Variants in TAF4 observed in about 807,000 individuals in gnomAD.
TAF4 encodes the protein transcription initiation factor TFIID subunit 4.
In TAF4, 9 loss-of-function variants were observed where a neutral mutation model predicts 90.3. The observed-to-expected ratio is 0.10, with a 90% CI of 0.06 to 0.17. The LOEUF is 0.17. TAF4 is among the 10% of genes least tolerant of loss of function. The pLI is 1.00. For synonymous variants in TAF4, 818 were observed against 638.9 expected (o/e 1.28, Z -4.23); for missense variants, 1,351 against 1,370.7 (o/e 0.99, Z 0.23).
At chr20:62,059,843 C>T (rs913119496) in intron 1 of TAF4, among the ~76,000 whole-genome samples, 8 of 152,232 alleles carry the variant, frequency 5.3e-5, no homozygotes, top group African/African-American at 1.9e-4. Flanking sequence ...TACACCTCTG[C>T]TTCAAGATCC....
intron 1 of TAF4, among the ~76,000 whole-genome samples, chr20:62,042,512 T>C (rs2055969367): frequency 6.6e-6 from 1 of 152,220 alleles, no homozygotes; most frequent in Admixed American, 6.5e-5. Context: ...GAATGGCAAC[T>C]GCTAAAAGAG....
intron 1 of TAF4, among the ~76,000 whole-genome samples, chr20:62,059,665 C>T (rs139613318): frequency 3.3e-5 from 5 of 152,358 alleles, no homozygotes; most frequent in African/African-American, 1.2e-4. Context: ...ACGCCCCCAT[C>T]ACGCTGCCTG....
chr20:62,062,386 G>A (rs73613504), intron 1 of TAF4, among the ~76,000 whole-genome samples: 1 of 151,964 alleles, frequency 6.6e-6, no homozygotes, highest in East Asian at 1.9e-4. Context: ...TGGGATACTG[G>A]TAGTTTTATT....
chr20:61,999,881 G>A (rs1206773084), intron 11 of TAF4, among the ~76,000 whole-genome samples: 4 of 152,198 alleles, frequency 2.6e-5, no homozygotes, highest in Admixed American at 1.3e-4. Flanking sequence ...CCCACGAGGC[G>A]GAGGCTGCAG....
At chr20:62,014,441 C>A in intron 2 of TAF4, 106 bp downstream of exon 2, 1 of 1,388,626 alleles carries the variant, frequency 7.2e-7, no homozygotes. Context: ...ACTTCCCAGT[C>A]CTCACTCCCA....
chr20:62,007,502 CT>C (rs1351738239), intron 6 of TAF4, 44 bp downstream of exon 6: 1 of 1,582,906 alleles, frequency 6.3e-7, no homozygotes, highest in Non-Finnish European at 8.7e-7. Flanking sequence ...CGCCCCACCC[CT>C]CCCTGGCCCT....
At chr20:61,993,784 G>A (rs1399714325) in intron 14 of TAF4, among the ~76,000 whole-genome samples, 11 of 152,052 alleles carry the variant, frequency 7.2e-5, no homozygotes, top group African/African-American at 2.2e-4. Flanking sequence ...ATGGAGTCTC[G>A]CTCTGTCACC....
chr20:62,021,363 G>A (rs1555577), intron 1 of TAF4, among the ~76,000 whole-genome samples: 16,396 of 152,302 alleles, frequency 0.11, 1,272 homozygotes, highest in East Asian at 0.44. Flanking sequence ...AACAGGCATG[G>A]CCAGGCACAG....
rs2055716881 is a variant in TAF4, at chr20:62,003,021, A to G, written c.2486+139T>C. ...CTTGTGTGAACGTGAGGTCAAAGTG[A>G]GCGTGAAGCAGGAGCCTTGGAGCCC... is the stretch of plus-strand genomic sequence containing the variant. On this transcript the variant is annotated intron_variant, in intron 9 of 14. Coordinates refer to ENST00000252996, the MANE Select transcript of TAF4 (RefSeq NM_003185.4). 2.2e-5 allele frequency: 14 copies of G among 624,550 alleles called. No individual in the cohort carries two copies. In the East Asian group the frequency reaches 3.9e-4, roughly 17 times the overall value. 38.7% of individuals were successfully genotyped at this position (624,550 alleles called of 1,614,324 possible).
chr20:62,009,819 C>T (rs945501263), intron 4 of TAF4, among the ~76,000 whole-genome samples: 1 of 152,240 alleles, frequency 6.6e-6, no homozygotes. Flanking sequence ...GGTGTTTGGG[C>T]TTTTGCTGTT....
intron 1 of TAF4, among the ~76,000 whole-genome samples, chr20:62,023,770 A>C (rs2055858312): frequency 8.7e-6 from 1 of 114,842 alleles, no homozygotes; most frequent in Admixed American, 1.1e-4. Context: ...AAAAAAAAAA[A>C]GAAAGAAAGA....
Position 62,014,617 on chromosome 20 carries a change from G to A in TAF4, c.1451C>T (p.Pro484Leu). The change falls in exon 2 of 15, where the codon CCT (proline) becomes CTT (leucine). Residue 484 changes from proline to leucine, a missense_variant. This residue lies in a region of TAF4 where 143 missense variants were observed against 176.3 expected (regional missense o/e 0.81). Transcript: ENST00000252996. ...AQMQAQAHAQ[P>L]QTTMAPRPAT... Reference sequence around the variant, plus strand: ...AGGGCGAGGCGCCATGGTGGTCTGAGGCTGGGCATGGGCCTGCGCCTGCAT... The same window carrying A: ...AGGGCGAGGCGCCATGGTGGTCTGAAGCTGGGCATGGGCCTGCGCCTGCAT... 1 of 1,614,102 alleles carries A rather than the reference G, an allele frequency of 6.2e-7. No individual in the cohort carries two copies. The highest frequency in any genetic ancestry group is 8.5e-7 in the Non-Finnish European group (1 of 1,180,008).
At chr20:62,048,532 C>T (rs1184742741) in intron 1 of TAF4, among the ~76,000 whole-genome samples, 1 of 152,228 alleles carries the variant, frequency 6.6e-6, no homozygotes, top group East Asian at 1.9e-4. Flanking sequence ...AACACAAACC[C>T]ACTGCACTTC....
intron 1 of TAF4, among the ~76,000 whole-genome samples, chr20:62,036,681 A>C (rs2055934318): frequency 6.6e-6 from 1 of 152,252 alleles, no homozygotes; most frequent in African/African-American, 2.4e-5. Context: ...TTAACAGACT[A>C]AAAAAGAAAA....
chr20:62,060,935 T>C lies in TAF4; in HGVS notation c.1360+3516A>G, dbSNP rs74601491. 5.7e-3 allele frequency among the ~76,000 whole-genome samples: 869 copies of C among 152,270 alleles called. 12 individuals carry two copies. Among genetic ancestry groups the C allele is most frequent in the African/African-American group, 0.018 (729 of 41,554 alleles). Reference sequence around the variant, plus strand: ...GAAAAATGAGGGGAACTGGGAGAGTTTGGAATAGTGAGCGCCACCTGACAG... The same window carrying C: ...GAAAAATGAGGGGAACTGGGAGAGTCTGGAATAGTGAGCGCCACCTGACAG... On this transcript the variant is annotated intron_variant, in intron 1 of 14. Coordinates refer to ENST00000252996, the MANE Select transcript of TAF4 (RefSeq NM_003185.4).
chr20:62,048,504 G>A (rs566990734), intron 1 of TAF4, among the ~76,000 whole-genome samples: 4 of 152,052 alleles, frequency 2.6e-5, no homozygotes, highest in Non-Finnish European at 4.4e-5. Flanking sequence ...CCTAACAGAG[G>A]TGCTCCCACT....
chr20:62,065,711 C>T lies in TAF4; in HGVS notation c.100G>A (p.Ala34Thr). Residue 34 changes from alanine (A) to threonine (T), a missense_variant, in exon 1 of 15, where the codon GCG (alanine) becomes ACG (threonine). Transcript: ENST00000252996. ...DLVGSLESQL[A>T]ASAAHHHHLA... ...TGGTGGTGGTGGGCCGCGCTGGCCG[C>T]CAGCTGCGACTCCAGCGAGCCCACC... is the stretch of plus-strand genomic sequence containing the variant. 7.7e-7 allele frequency: 1 copy of T among 1,294,374 alleles called. No individual in the cohort carries two copies. The highest frequency in any genetic ancestry group is 1.5e-5 in the South Asian group (1 of 68,942). 80.2% of individuals were successfully genotyped at this position (1,294,374 alleles called of 1,614,324 possible). A position where few individuals can be genotyped will look rare whatever the true frequency, so the allele number is the denominator to read the frequency against.
At chr20:62,059,100 G>A (rs1030694592) in intron 1 of TAF4, among the ~76,000 whole-genome samples, 7 of 152,192 alleles carry the variant, frequency 4.6e-5, no homozygotes, top group Non-Finnish European at 1.0e-4. Flanking sequence ...GGTTCCCAAC[G>A]ACAACTTCTG....
intron 12 of TAF4, 110 bp downstream of exon 12, chr20:61,998,873 C>T: frequency 6.9e-7 from 1 of 1,447,474 alleles, no homozygotes; most frequent in Non-Finnish European, 9.3e-7. Flanking sequence ...GCTTCAAGGC[C>T]AGCCCAAAAC....
Sources: allele counts gnomAD v4.1 joint callset (sites outside exome capture counted in the v4.1 genomes callset), GRCh38; gene constraint gnomAD v4.1.1; regional missense constraint gnomAD v4.1.1; transcripts MANE v1.5; gene names NCBI Gene and HGNC (gene_info 2026-07-23, HGNC 2026-07-21).